Variants in AMY2B observed in about 807,000 individuals in gnomAD.
AMY2B encodes the protein alpha-amylase 2B.
Under a neutral mutation model 59.3 loss-of-function variants are expected in AMY2B, and 63 were observed. The ratio of observed to expected loss-of-function variants is 1.06; its 90% CI spans 0.87 to 1.31. The LOEUF is 1.31. Among genes scored for constraint, AMY2B ranks in the 50% most tolerant of loss-of-function variants. The probability of loss-of-function intolerance (pLI) is 0.00; values close to 1 mark genes in which losing one functional copy is unlikely to be tolerated. For synonymous variants in AMY2B, 180 were observed against 198.1 expected (o/e 0.91, Z 0.77); for missense variants, 635 against 626.7 (o/e 1.01, Z -0.14).
At chr1:103,570,638 C>G (rs1169782915), upstream of AMY2B, 1 of 589,462 alleles carries the variant, frequency 1.7e-6, no homozygotes, top group African/African-American at 1.9e-5. Context: ...AGTACAATGA[C>G]TTGGCCCCCT....
At chr1:103,569,321 T>C, upstream of AMY2B, 1 of 140,036 alleles carries the variant, frequency 7.1e-6, no homozygotes, top group Non-Finnish European at 1.6e-5. Context: ...GATATGTGTG[T>C]GTTTGTGTAT....
chr1:103,577,414 G>A (rs1185494221), intron 7 of AMY2B, 76 bp from the exon 8 acceptor site: 32 of 1,608,596 alleles, frequency 2.0e-5, no homozygotes, highest in Non-Finnish European at 2.5e-5. Context: ...AACAGGATAG[G>A]TTGGGTTTGG....
intron 1 of AMY2B, among the ~76,000 whole-genome samples, chr1:103,563,697 CTTT>C (rs369692882): frequency 6.0e-5 from 9 of 151,028 alleles, no homozygotes; most frequent in Admixed American, 5.3e-4. Flanking sequence ...CAAATTATCC[CTTT>C]TTTTTTACCA....
intron 2 of AMY2B, among the ~76,000 whole-genome samples, chr1:103,566,510 T>C (rs1557767303): frequency 1.3e-5 from 2 of 152,198 alleles, no homozygotes; most frequent in African/African-American, 2.4e-5. Flanking sequence ...CATAAAAATA[T>C]ATTTTTTTAC....
intron 1 of AMY2B, among the ~76,000 whole-genome samples, chr1:103,561,005 T>A (rs1651714668): frequency 6.6e-6 from 1 of 152,184 alleles, no homozygotes; most frequent in African/African-American, 2.4e-5. Flanking sequence ...TTTCTCATTT[T>A]AAAAATGAGG....
chr1:103,565,834 G>GCTGT (rs1189458166), intron 2 of AMY2B, among the ~76,000 whole-genome samples: 3 of 152,078 alleles, frequency 2.0e-5, no homozygotes, highest in Non-Finnish European at 4.4e-5. Flanking sequence ...CATTCTTACT[G>GCTGT]CTGTAATCCT....
intron 1 of AMY2B, 96 bp downstream of exon 1, chr1:103,571,866 C>T: frequency 6.2e-7 from 1 of 1,609,194 alleles, no homozygotes; most frequent in South Asian, 1.1e-5. Context: ...CATTTTACTT[C>T]ACAGGTAAGT....
In AMY2B at chr1:103,577,804, G is replaced by T. The variant is rs1452727597; in HGVS notation, c.1305G>T (p.Gly435=). ...ATGGGAGCAACCAAGTGGCTTTTGG[G>T]AGAGGAAACAGAGGATTCATTGTTT... The part of the protein sequence containing the change: ...YDNGSNQVAF[G]RGNRGFIVFN... The change falls in exon 9 of 10, where the codon GGG becomes GGT. Residue 435 remains glycine (G), a synonymous_variant. Transcript: ENST00000684275. The T allele has an allele frequency of 1.2e-6, 2 of 1,605,890 alleles. No homozygotes were observed. The highest frequency in any genetic ancestry group is 2.7e-5 in the African/African-American group (2 of 74,858).
In AMY2B at chr1:103,573,914, A is replaced by T. The variant is rs1442457390; in HGVS notation, c.720A>T (p.Gly240=). 3 of 1,613,854 alleles carry T rather than the reference A, an allele frequency of 1.9e-6. No individual in the cohort carries two copies. The highest frequency in any genetic ancestry group is 2.5e-6 in the Non-Finnish European group (3 of 1,179,752). ...TAAACAGTAACTGGTTCCCTGCAGG[A>T]AGTAAACCTTTCATTTACCAGGAGG... ...HNLNSNWFPA[G]SKPFIYQEVI... Residue 240 remains glycine (G), a synonymous_variant, in exon 4 of 10, where the codon GGA becomes GGT. Transcript: ENST00000684275.
intron 9 of AMY2B, among the ~76,000 whole-genome samples, chr1:103,578,490 A>G (rs919608612): frequency 6.6e-6 from 1 of 152,172 alleles, no homozygotes; most frequent in Non-Finnish European, 1.5e-5. Flanking sequence ...AGCTCAGAAG[A>G]CCTCGTTGCA....
intron 2 of AMY2B, 99 bp downstream of exon 2, chr1:103,572,355 T>C: frequency 2.0e-6 from 3 of 1,515,418 alleles, no homozygotes; most frequent in Non-Finnish European, 2.6e-6. Context: ...CCATATTTTA[T>C]TTTTTTAATT....
upstream of AMY2B, chr1:103,568,973 A>G (rs1212540603): frequency 5.9e-5 from 9 of 152,098 alleles, no homozygotes; most frequent in South Asian, 8.3e-4. Context: ...GAAATGTACA[A>G]TCATGGTGGA....
chr1:103,576,610 A>T (rs772039797), intron 7 of AMY2B, among the ~76,000 whole-genome samples: 6 of 152,134 alleles, frequency 3.9e-5, no homozygotes, highest in Non-Finnish European at 8.8e-5. Flanking sequence ...TAAAGTGCCA[A>T]TCAGAAAAAC....
chr1:103,567,270 G>GATATTT (rs1433268220), upstream of AMY2B, among the ~76,000 whole-genome samples: 5 of 151,988 alleles, frequency 3.3e-5, no homozygotes, highest in African/African-American at 4.8e-5. Context: ...ATGAAGGTAT[G>GATATTT]ATATTTCATA....
At chr1:103,570,937 C>A, upstream of AMY2B, 1 of 347,000 alleles carries the variant, frequency 2.9e-6, no homozygotes, top group Non-Finnish European at 5.6e-6. Context: ...GTGGCTTGGT[C>A]ACTTCATGGC....
upstream of AMY2B, chr1:103,570,518 C>A: frequency 1.6e-6 from 1 of 625,596 alleles, no homozygotes. Flanking sequence ...CACCTAGCAC[C>A]ATGAAGATCA....
At chr1:103,575,088 T>TATA in intron 5 of AMY2B, 135 bp from the exon 6 acceptor site, 1 of 1,087,336 alleles carries the variant, frequency 9.2e-7, no homozygotes, top group African/African-American at 1.6e-5. Context: ...ATATATATCT[T>TATA]ACAGAATAAC....
Position 103,575,301 on chromosome 1 carries a change from A to G in AMY2B, c.957A>G (p.Gly319=), listed in dbSNP as rs1422225094. 6.2e-7 allele frequency: 1 copy of G among 1,613,530 alleles called. No homozygotes were observed. Among genetic ancestry groups the G allele is most frequent in the Non-Finnish European group, 8.5e-7 (1 of 1,179,702 alleles). The change falls in exon 6 of 10, where the codon GGA becomes GGG. Residue 319 remains glycine, a synonymous_variant. Coordinates refer to ENST00000684275, the MANE Select transcript of AMY2B (RefSeq NM_001387437.1). Reference sequence around the variant, plus strand: ...TGGATAACCATGACAATCAACGAGGACATGGGGCTGGAGGAGCCTCTATTC... The same window carrying G: ...TGGATAACCATGACAATCAACGAGGGCATGGGGCTGGAGGAGCCTCTATTC... ...VFVDNHDNQR[G]HGAGGASILT...
intron 1 of AMY2B, among the ~76,000 whole-genome samples, chr1:103,557,313 A>C (rs901551885): frequency 7.9e-5 from 12 of 152,096 alleles, no homozygotes; most frequent in African/African-American, 2.9e-4. Flanking sequence ...CTAATATATA[A>C]AGACTTGAGG....
Sources: allele counts gnomAD v4.1 joint callset (sites outside exome capture counted in the v4.1 genomes callset), GRCh38; gene constraint gnomAD v4.1.1; transcripts MANE v1.5; gene names NCBI Gene and HGNC (gene_info 2026-07-23, HGNC 2026-07-21).